PCDHGA3: variants seen among roughly 807,000 people sequenced by gnomAD.
PCDHGA3 encodes the protein protocadherin gamma-A3.
In PCDHGA3, 40 loss-of-function variants were observed where a neutral mutation model predicts 58.5. That is an observed-to-expected ratio of 0.68 (90% CI 0.53 to 0.89). The LOEUF (loss-of-function observed/expected upper bound fraction) is 0.89, where lower values mean the gene tolerates loss of function less well. Ranked by LOEUF, PCDHGA3 falls within the 40% of genes least tolerant of loss-of-function variation. The probability of loss-of-function intolerance (pLI) is 0.00; values close to 1 mark genes in which losing one functional copy is unlikely to be tolerated. For synonymous variants in PCDHGA3, 530 were observed against 525.7 expected (o/e 1.01, Z -0.11); for missense variants, 1,223 against 1,195.9 (o/e 1.02, Z -0.33).
intron 1 of PCDHGA3, among the ~76,000 whole-genome samples, chr5:141,373,280 A>G (rs1187870137): frequency 6.6e-6 from 1 of 152,242 alleles, no homozygotes; most frequent in Non-Finnish European, 1.5e-5. Context: ...GATGTTGCCT[A>G]TGTCAGGGCA....
chr5:141,470,721 AG>A (rs948288535), intron 1 of PCDHGA3, among the ~76,000 whole-genome samples: 2 of 152,098 alleles, frequency 1.3e-5, no homozygotes, highest in African/African-American at 4.8e-5. Flanking sequence ...TTTTTGAGTC[AG>A]GGTCTTGCTC....
At position 141,461,300 on chromosome 5, in the gene PCDHGA3, A is replaced by G. The variant is rs889981233; in HGVS notation, c.2425-33507A>G. Among the ~76,000 whole-genome samples, 10 of 152,106 alleles carry G rather than the reference A, an allele frequency of 6.6e-5. No individual in the cohort carries two copies. In the East Asian group the frequency reaches 1.4e-3, roughly 21 times the overall value. On this transcript the variant is annotated intron_variant, in intron 1 of 3. Transcript: ENST00000253812. The stretch of plus-strand genomic sequence containing the variant: ...TTTCCCCACATCCACACCAACATCT[A>G]TTGTTTTTTGACTTTTTAATAATGG...
chr5:141,412,963 G>T, intron 1 of PCDHGA3: 1 of 518,228 alleles, frequency 1.9e-6, no homozygotes, highest in East Asian at 3.1e-5. Context: ...TCACCTACTA[G>T]GAGAGAAAAC....
rs758907839 is a variant in PCDHGA3 at position 141,351,826 on chromosome 5, C to T, written c.2424+5369C>T. ...GCGCCTTCGACCACGAGCAGCTGCG[C>T]GCCTTCGAGCTCACACTGCAGGCCA... is the stretch of plus-strand genomic sequence containing the variant. On this transcript the variant is annotated intron_variant, in intron 1 of 3. Transcript: ENST00000253812. The T allele has an allele frequency of 6.8e-5, 109 of 1,613,084 alleles. No individual in the cohort carries two copies. In the South Asian group the frequency reaches 7.4e-4, roughly 11 times the overall value.
rs117345436 is a variant in PCDHGA3 at position 141,492,015 on chromosome 5, G to T, written c.2425-2792G>T. 1,356 of 600,608 alleles carry T rather than the reference G, an allele frequency of 2.3e-3. 40 individuals carry two copies. The East Asian group carries it at 0.038, about 17-fold the overall frequency. The allele number at this position is 600,608 out of a possible 1,614,324, so 37.2% of individuals were successfully genotyped here. A position where few individuals can be genotyped will look rare whatever the true frequency, so the allele number is the denominator to read the frequency against. ...ATTTCGGGCGATTTCCGCGGGTGTC[G>T]GGGGTCCCGGGAGGAGGCAGTCACA... On this transcript the variant is annotated intron_variant, in intron 1 of 3. Transcript: ENST00000253812.
chr5:141,344,885 G>A lies in PCDHGA3; in HGVS notation c.852G>A (p.Met284Ile), dbSNP rs1228850161. The change falls in exon 1 of 4, where the codon ATG becomes ATA. Residue 284 changes from methionine to isoleucine, a missense_variant. Physicochemically the swap from Met to Ile is conservative, Grantham distance 10. Around this residue, in one of 3 missense-constraint regions of PCDHGA3, gnomAD observed 791 missense variants for 708.5 expected, o/e 1.12. Transcript: ENST00000253812. ...NAQVSYILDK[M>I]PGKIAEIFHL... is the part of the protein sequence containing the mutation. ...AAGTGTCTTATATTCTAGATAAAAT[G>A]CCTGGGAAAATCGCTGAGATTTTCC... The A allele has an allele frequency of 1.2e-6, 2 of 1,613,908 alleles. No homozygotes were observed. Among genetic ancestry groups the A allele is most frequent in the South Asian group, 2.2e-5 (2 of 91,076 alleles).
chr5:141,481,895 A>G (rs1285005477), intron 1 of PCDHGA3, among the ~76,000 whole-genome samples: 2 of 147,522 alleles, frequency 1.4e-5, no homozygotes, highest in Non-Finnish European at 3.0e-5. Context: ...GCCTGGGTGA[A>G]AGAGCGAAAC....
intron 1 of PCDHGA3, chr5:141,484,903 G>A: frequency 2.5e-6 from 1 of 407,434 alleles, no homozygotes; most frequent in Non-Finnish European, 4.4e-6. Context: ...CTCCAATGCT[G>A]CGACGCATTA....
intron 1 of PCDHGA3, chr5:141,370,568 G>T (rs968157637): frequency 1.9e-6 from 3 of 1,613,930 alleles, no homozygotes; most frequent in Admixed American, 1.7e-5. Flanking sequence ...GGTTTGGCGT[G>T]GGGGATTTAC....
At chr5:141,404,924 G>A in intron 1 of PCDHGA3, 1 of 1,613,908 alleles carries the variant, frequency 6.2e-7, no homozygotes, top group South Asian at 1.1e-5. Flanking sequence ...CTCGGCCACT[G>A]TCACGCTCAC....
chr5:141,346,127 C>G lies in PCDHGA3; in HGVS notation c.2094C>G (p.Ala698=), dbSNP rs764043448. The G allele has an allele frequency of 6.2e-7, 1 of 1,613,914 alleles. No individual in the cohort carries two copies. Among genetic ancestry groups the G allele is most frequent in the African/African-American group, 1.3e-5 (1 of 75,052 alleles). ...CTCTGTACCTGGTGGTGGCGGTGGC[C>G]GCGGTCTCCTGCGTCTTCCTGGCCT... is the stretch of plus-strand genomic sequence containing the variant. ...DLTLYLVVAV[A]AVSCVFLAFV... The change falls in exon 1 of 4, where the codon GCC becomes GCG. Residue 698 remains alanine, a synonymous_variant. Coordinates refer to ENST00000253812, the MANE Select transcript of PCDHGA3 (RefSeq NM_018916.4).
In PCDHGA3 at chr5:141,450,141, G is replaced by A. The variant is rs762961199; in HGVS notation, c.2425-44666G>A. On this transcript the variant is annotated intron_variant, in intron 1 of 3. Transcript: ENST00000253812. ...CCTGCCTTAGCCTCCTGAGTAGCTG[G>A]GACTACAGGCATGTGCCACCACACT... Among the ~76,000 whole-genome samples, 401 of 151,622 alleles carry A rather than the reference G, an allele frequency of 2.6e-3. 1 individual carries two copies. The highest frequency in any genetic ancestry group is 3.8e-3 in the Non-Finnish European group (260 of 67,912).
At chr5:141,364,124 G>A (rs1449257232) in intron 1 of PCDHGA3, 9 of 457,656 alleles carry the variant, frequency 2.0e-5, no homozygotes, top group Admixed American at 1.5e-4. Flanking sequence ...TCTGAGTGTC[G>A]CTGTTGACCA....
chr5:141,508,241 T>G (rs1475142426), intron 3 of PCDHGA3: 2 of 152,286 alleles, frequency 1.3e-5, no homozygotes, highest in East Asian at 3.9e-4. Context: ...CTCCTAAGTC[T>G]GCCTCTCCTG....
At chr5:141,422,292 T>C in intron 1 of PCDHGA3, 1 of 1,552,434 alleles carries the variant, frequency 6.4e-7, no homozygotes. Context: ...CTTCTATTAA[T>C]TCAATTCTGG....
In PCDHGA3 at chr5:141,345,165, C is replaced by A. The variant is rs865822045; in HGVS notation, c.1132C>A (p.Gln378Lys). ...LIDVHDRDSG[Q>K]NGQVEVFVLG... ...CGACGTGCATGACCGAGATTCTGGG[C>A]AGAATGGGCAGGTTGAAGTTTTTGT... Residue 378 changes from glutamine to lysine, a missense_variant, in exon 1 of 4, where the codon CAG becomes AAG. Physicochemically the swap from Gln to Lys is moderately conservative, Grantham distance 53. This residue lies in a region of PCDHGA3 where 791 missense variants were observed against 708.5 expected (regional missense o/e 1.12). Coordinates refer to ENST00000253812, the MANE Select transcript of PCDHGA3 (RefSeq NM_018916.4). 6.2e-7 allele frequency: 1 copy of A among 1,613,962 alleles called. No individual in the cohort carries two copies.
intron 1 of PCDHGA3, chr5:141,405,091 C>G (rs761186505): frequency 8.1e-6 from 13 of 1,613,814 alleles, no homozygotes; most frequent in Non-Finnish European, 1.1e-5. Flanking sequence ...CGCTGCTGGC[C>G]CTCAGGCTGA....
chr5:141,489,335 G>T lies in PCDHGA3; in HGVS notation c.2425-5472G>T. On this transcript the variant is annotated intron_variant, in intron 1 of 3. Transcript: ENST00000253812. This position sits in a 1 kb window ranked among gnomAD's most constrained non-coding sequence, Gnocchi z 4.5. ...TGGGGCTGGGTGTCTGGGCAGCTTC[G>T]TTACTCAGTGGTGGAGGAGTCTGAG... 1.2e-6 allele frequency: 2 copies of T among 1,607,364 alleles called. No individual in the cohort carries two copies. The highest frequency in any genetic ancestry group is 1.7e-6 in the Non-Finnish European group (2 of 1,175,842).
intron 1 of PCDHGA3, chr5:141,383,924 A>G: frequency 1.2e-6 from 2 of 1,613,950 alleles, no homozygotes; most frequent in Non-Finnish European, 1.7e-6. Context: ...GATGTAAATG[A>G]TAATGCTCCA....
Sources: gnomAD v4.1 joint callset for allele counts (sites outside exome capture counted in the v4.1 genomes callset) on GRCh38, gnomAD v4.1.1 for gene constraint, gnomAD v4.1.1 regional missense constraint, Gnocchi (gnomAD v3.1) non-coding constraint, MANE v1.5 for transcripts, NCBI Gene and HGNC (gene_info 2026-07-23, HGNC 2026-07-21) for gene names.